The following EIF3A variants were observed in gnomAD, a reference collection of about 807,000 sequenced individuals.
The protein encoded by EIF3A is EIF3, p180 subunit.
Under a neutral mutation model 186.6 loss-of-function variants are expected in EIF3A, and 21 were observed. That is an observed-to-expected ratio of 0.11 (90% CI 0.08 to 0.16). The LOEUF is 0.16. Ranked by LOEUF, EIF3A falls within the 10% of genes least tolerant of loss-of-function variation. The pLI, the probability that EIF3A is intolerant of heterozygous loss-of-function variation, is 1.00. For missense variants in EIF3A, 1,306 were observed against 1,796.3 expected (o/e 0.73, Z 4.93); for synonymous variants, 563 against 584.3 (o/e 0.96, Z 0.52).
At chr10:119,037,093 A>T in intron 21 of EIF3A, 26 bp downstream of exon 21, 1 of 675,022 alleles carries the variant, frequency 1.5e-6, no homozygotes. Context: ...GTTCTCCAAT[A>T]CTTCAGTTGT....
At chr10:119,059,480 C>T in intron 10 of EIF3A, 83 bp from the exon 11 acceptor site, 1 of 1,298,696 alleles carries the variant, frequency 7.7e-7, no homozygotes, top group Non-Finnish European at 1.1e-6. Context: ...TATACAAAAG[C>T]TGGAAAAGTT....
intron 19 of EIF3A, among the ~76,000 whole-genome samples, chr10:119,041,480 G>A (rs1237995631): frequency 1.3e-5 from 2 of 152,094 alleles, no homozygotes; most frequent in African/African-American, 2.4e-5. Context: ...GCTGAAGTGG[G>A]AGGCTCCCTA....
chr10:119,065,910 A>C (rs1358852464), intron 6 of EIF3A, among the ~76,000 whole-genome samples: 3 of 151,768 alleles, frequency 2.0e-5, no homozygotes, highest in Admixed American at 6.6e-5. Flanking sequence ...ACGTCAAGAG[A>C]TCGAGACCAT....
At chr10:119,058,390 G>C in intron 11 of EIF3A, 87 bp from the exon 12 acceptor site, 1 of 894,922 alleles carries the variant, frequency 1.1e-6, no homozygotes. Context: ...TAATCCTGAT[G>C]TACTGCCTTT....
chr10:119,051,131 A>C, intron 15 of EIF3A, 68 bp downstream of exon 15: 1 of 1,396,084 alleles, frequency 7.2e-7, no homozygotes, highest in Middle Eastern at 1.8e-4. Flanking sequence ...CAATTTGTTA[A>C]GGGAGAACCC....
At chr10:119,059,558 A>G (rs1163890925) in intron 10 of EIF3A, 44 bp downstream of exon 10, 1 of 1,479,262 alleles carries the variant, frequency 6.8e-7, no homozygotes, top group Non-Finnish European at 9.4e-7. Flanking sequence ...GTGTCTTTCT[A>G]GCCCTCAAGG....
intron 18 of EIF3A, among the ~76,000 whole-genome samples, chr10:119,043,340 G>A (rs985798901): frequency 1.3e-5 from 2 of 152,146 alleles, no homozygotes; most frequent in African/African-American, 2.4e-5. Context: ...AGCTACTTGG[G>A]AGGCACAAGA....
Position 119,038,218 on chromosome 10 carries a change from ATT to A in EIF3A, c.3728+18_3728+19del. On this transcript the variant is annotated intron_variant, in intron 20 of 21. Coordinates refer to ENST00000369144, the MANE Select transcript of EIF3A (RefSeq NM_003750.4). ...CCACTGCGCCCGGCCTCTACAAATA[ATT>A]TAATTAGAGCATCACACCTAGGTCT... 6.2e-7 allele frequency: 1 copy of A among 1,607,374 alleles called. No individual in the cohort carries two copies. The highest frequency in any genetic ancestry group is 2.2e-5 in the East Asian group (1 of 44,778).
intron 11 of EIF3A, among the ~76,000 whole-genome samples, chr10:119,058,747 G>A (rs937008201): frequency 3.9e-5 from 6 of 152,234 alleles, no homozygotes; most frequent in Admixed American, 6.5e-5. Context: ...AGCTGTGCAC[G>A]TGGTACGTGC....
At chr10:119,039,936 G>A (rs779380966) in intron 19 of EIF3A, among the ~76,000 whole-genome samples, 2 of 152,066 alleles carry the variant, frequency 1.3e-5, no homozygotes, top group Non-Finnish European at 2.9e-5. Flanking sequence ...ATTTACCCTA[G>A]GAACATGAGT....
Position 119,061,222 on chromosome 10 carries a change from A to AAG in EIF3A, c.1227+1_1227+2insCT. On this transcript the variant is annotated splice_donor_variant, in intron 8 of 21. Coordinates refer to ENST00000369144, the MANE Select transcript of EIF3A (RefSeq NM_003750.4). LOFTEE classifies it high-confidence loss of function. ...AACCAGAACTTAAATACAAAGGCTT[A>AAG]CCTTTGTGACTCGCTCACAGAGTTT... The AAG allele has an allele frequency of 6.6e-7, 1 of 1,512,244 alleles. No homozygotes were observed. The highest frequency in any genetic ancestry group is 9.1e-7 in the Non-Finnish European group (1 of 1,100,562). The allele number at this position is 1,512,244 out of a possible 1,614,324, so 93.7% of individuals were successfully genotyped here.
chr10:119,038,196 C>G (rs530275243), intron 20 of EIF3A, 42 bp downstream of exon 20: 1 of 1,557,874 alleles, frequency 6.4e-7, no homozygotes, highest in Admixed American at 1.9e-5. Context: ...GCATGAGCCA[C>G]TGCGCCCGGC....
At chr10:119,065,849 G>A (rs933190321) in intron 6 of EIF3A, among the ~76,000 whole-genome samples, 1 of 152,188 alleles carries the variant, frequency 6.6e-6, no homozygotes, top group African/African-American at 2.4e-5. Context: ...AGGCGCGGTG[G>A]CTCACGCCTG....
chr10:119,038,525 TTCA>T, intron 19 of EIF3A, 86 bp from the exon 20 acceptor site: 4 of 1,051,426 alleles, frequency 3.8e-6, no homozygotes, highest in African/African-American at 3.2e-5. Context: ...TTGGCATTAA[TTCA>T]TCATCATTCT....
At position 119,059,408 on chromosome 10, in the gene EIF3A, T is replaced by C; in HGVS notation, c.1444-11A>G. ...GTGATCAATACGAACCTTTGAAAATTAAATTATCAATGGTTAAATCCACAA... is the reference window on the plus strand; with the variant it reads ...GTGATCAATACGAACCTTTGAAAATCAAATTATCAATGGTTAAATCCACAA... On this transcript the variant is annotated splice_polypyrimidine_tract_variant and intron_variant, in intron 10 of 21. Coordinates refer to ENST00000369144, the MANE Select transcript of EIF3A (RefSeq NM_003750.4). The C allele has an allele frequency of 6.5e-7, 1 of 1,534,894 alleles. No individual in the cohort carries two copies. The highest frequency in any genetic ancestry group is 1.7e-4 in the Middle Eastern group (1 of 5,736).
At chr10:119,059,886 T>A in intron 9 of EIF3A, 168 bp from the exon 10 acceptor site, 3 of 656,836 alleles carry the variant, frequency 4.6e-6, no homozygotes, top group Non-Finnish European at 8.2e-6. Flanking sequence ...CTAAACTCCA[T>A]GCTTTGAGAA....
intron 6 of EIF3A, 57 bp downstream of exon 6, chr10:119,069,389 T>C (rs567705443): frequency 3.9e-5 from 34 of 880,742 alleles, no homozygotes; most frequent in South Asian, 1.1e-4. Context: ...TACCATGTCA[T>C]ATAATAGACG....
Position 119,069,565 on chromosome 10 carries a change from G to A in EIF3A, c.831C>T (p.Asn277=), listed in dbSNP as rs1844037870. 1.3e-6 allele frequency: 2 copies of A among 1,591,936 alleles called. No individual in the cohort carries two copies. Among genetic ancestry groups the A allele is most frequent in the East Asian group, 2.2e-5 (1 of 44,760 alleles). Residue 277 remains asparagine, a synonymous_variant, in exon 6 of 22, where the codon AAC becomes AAT. Transcript: ENST00000369144. ...PKPQLMANYY[N]KVSTVFWKSG... ...ATTTCCAAAACACAGTTGAGACTTT[G>A]TTATAGTAATTTGCCATCAACTGAG...
chr10:119,068,652 G>A (rs9732571), intron 6 of EIF3A, among the ~76,000 whole-genome samples: 11,049 of 148,774 alleles, frequency 0.074, 812 homozygotes, highest in African/African-American at 0.2. Flanking sequence ...CGATAAGAGC[G>A]AAGGCTCTGT....
Sources: gnomAD v4.1 joint callset for allele counts (sites outside exome capture counted in the v4.1 genomes callset) on GRCh38, gnomAD v4.1.1 for gene constraint, MANE v1.5 for transcripts, NCBI Gene and HGNC (gene_info 2026-07-23, HGNC 2026-07-21) for gene names.